SHROOM3: variants seen among roughly 807,000 people sequenced by gnomAD.
The protein encoded by SHROOM3 is shroom family member 3, also known as protein Shroom3.
Under a neutral mutation model 138.6 loss-of-function variants are expected in SHROOM3, and 47 were observed. The ratio of observed to expected loss-of-function variants is 0.34; its 90% CI spans 0.27 to 0.43. The LOEUF (loss-of-function observed/expected upper bound fraction) is 0.43. Ranked by LOEUF, SHROOM3 falls within the 20% of genes least tolerant of loss-of-function variation. The probability of loss-of-function intolerance (pLI) is 1.00; values close to 1 mark genes in which losing one functional copy is unlikely to be tolerated. For synonymous variants in SHROOM3, 1,062 were observed against 1,063.3 expected (o/e 1.00, Z 0.02); for missense variants, 2,491 against 2,596.5 (o/e 0.96, Z 0.88).
chr4:76,736,675 C>T (rs1038013255), intron 4 of SHROOM3, among the ~76,000 whole-genome samples: 2 of 152,210 alleles, frequency 1.3e-5, no homozygotes, highest in African/African-American at 4.8e-5. Flanking sequence ...ATTTACCCTT[C>T]TTTAGAGAAC....
chr4:76,753,974 T>G (rs1721716589), intron 6 of SHROOM3, among the ~76,000 whole-genome samples: 1 of 152,224 alleles, frequency 6.6e-6, no homozygotes, highest in Non-Finnish European at 1.5e-5. Context: ...AGAAATGTAC[T>G]GTTTGTTTTT....
intron 2 of SHROOM3, among the ~76,000 whole-genome samples, chr4:76,661,685 A>C (rs7680223): frequency 0.69 from 104,190 of 152,008 alleles, 37,012 homozygotes; most frequent in East Asian, 0.94. Flanking sequence ...ACAGTATATA[A>C]TCTTTTTTGT....
At chr4:76,542,863 A>G (rs17002074) in intron 1 of SHROOM3, among the ~76,000 whole-genome samples, 17,704 of 152,214 alleles carry the variant, frequency 0.12, 1,155 homozygotes, top group East Asian at 0.16. Flanking sequence ...ACCTTCTGGT[A>G]CAGAGCTGTG....
intron 3 of SHROOM3, among the ~76,000 whole-genome samples, chr4:76,720,704 C>T (rs1254189652): frequency 3.3e-5 from 5 of 151,176 alleles, no homozygotes; most frequent in Admixed American, 1.3e-4. Flanking sequence ...CCTCGCCTCC[C>T]GGAGTCAAGC....
intron 1 of SHROOM3, among the ~76,000 whole-genome samples, chr4:76,497,961 C>G (rs1732004648): frequency 6.6e-6 from 1 of 152,178 alleles, no homozygotes; most frequent in Admixed American, 6.5e-5. Context: ...TATCGAGCCC[C>G]TGGTCAATGT....
chr4:76,647,934 C>CA (rs1735862153), intron 2 of SHROOM3, among the ~76,000 whole-genome samples: 2 of 152,134 alleles, frequency 1.3e-5, no homozygotes, highest in African/African-American at 4.8e-5. Context: ...AACTATGGAC[C>CA]TAGATATTTT....
chr4:76,688,659 C>A (rs761997600), intron 2 of SHROOM3: 5 of 985,286 alleles, frequency 5.1e-6, no homozygotes, highest in African/African-American at 1.7e-5. Context: ...TAAACTAGCA[C>A]CATCCCTTCC....
At chr4:76,668,327 G>T (rs1718775185) in intron 2 of SHROOM3, among the ~76,000 whole-genome samples, 1 of 152,150 alleles carries the variant, frequency 6.6e-6, no homozygotes, top group Admixed American at 6.5e-5. Context: ...TTGGGAGGCT[G>T]AGGCAGGCAG....
chr4:76,456,470 G>T (rs1456742134), intron 1 of SHROOM3, among the ~76,000 whole-genome samples: 1 of 152,138 alleles, frequency 6.6e-6, no homozygotes, highest in African/African-American at 2.4e-5. Context: ...GAATATTTTT[G>T]ATTTGAGGTT....
chr4:76,766,424 C>T (rs1722157598), intron 9 of SHROOM3, among the ~76,000 whole-genome samples: 1 of 152,160 alleles, frequency 6.6e-6, no homozygotes, highest in African/African-American at 2.4e-5. Flanking sequence ...GAGGACATTT[C>T]TGCAGAGGAT....
At chr4:76,597,187 A>G (rs1345819330) in intron 2 of SHROOM3, among the ~76,000 whole-genome samples, 1 of 152,206 alleles carries the variant, frequency 6.6e-6, no homozygotes, top group Non-Finnish European at 1.5e-5. Flanking sequence ...TTTATTTCAG[A>G]TATACAAGTG....
At position 76,754,696 on chromosome 4, in the gene SHROOM3, G is replaced by A. The variant is rs1300735652; in HGVS notation, c.4213G>A (p.Gly1405Ser). ...GCCTCCCGGTCCAAGAGGCTGTGAG[G>A]GCGATGGCCCAGAGCATGGGGTAGA... is the stretch of plus-strand genomic sequence containing the variant. ...TQPPGPRGCE[G>S]DGPEHGVEEG... The change falls in exon 7 of 11, where the codon GGC (glycine) becomes AGC (serine). Residue 1405 changes from glycine (G) to serine (S), a missense_variant. Around this residue, in one of 4 missense-constraint regions of SHROOM3, gnomAD observed 1,733 missense variants for 1,661.6 expected, o/e 1.04. Coordinates refer to ENST00000296043, the MANE Select transcript of SHROOM3 (RefSeq NM_020859.4). The A allele has an allele frequency of 6.2e-7, 1 of 1,614,090 alleles. No individual in the cohort carries two copies. Among genetic ancestry groups the A allele is most frequent in the Non-Finnish European group, 8.5e-7 (1 of 1,180,050 alleles).
intron 2 of SHROOM3, among the ~76,000 whole-genome samples, chr4:76,697,988 T>G (rs1367925584): frequency 6.6e-6 from 1 of 152,178 alleles, no homozygotes; most frequent in African/African-American, 2.4e-5. Context: ...CCCATGGAAC[T>G]ATAGTCACAA....
At position 76,778,919 on chromosome 4, in the gene SHROOM3, T is replaced by C; in HGVS notation, c.5733T>C (p.Asn1911=). 1 of 1,613,700 alleles carries C rather than the reference T, an allele frequency of 6.2e-7. No homozygotes were observed. Among genetic ancestry groups the C allele is most frequent in the Non-Finnish European group, 8.5e-7 (1 of 1,180,008 alleles). Residue 1911 remains asparagine (N), a synonymous_variant, in exon 11 of 11, where the codon AAT becomes AAC. Coordinates refer to ENST00000296043, the MANE Select transcript of SHROOM3 (RefSeq NM_020859.4). The stretch of plus-strand genomic sequence containing the variant: ...GAGTAGTGCTGGGCATCTTGGCCAA[T>C]TACCTTTCAGAGGAGCAGCTCCAGG... ...RERVVLGILA[N]YLSEEQLQDY... is the part of the protein sequence containing the mutation.
At chr4:76,676,261 G>T (rs1413832111) in intron 2 of SHROOM3, among the ~76,000 whole-genome samples, 1 of 152,160 alleles carries the variant, frequency 6.6e-6, no homozygotes, top group Non-Finnish European at 1.5e-5. Context: ...GGGACAAGGA[G>T]GATAGCCTAG....
At chr4:76,778,174 C>G (rs1309808590) in intron 10 of SHROOM3, among the ~76,000 whole-genome samples, 1 of 151,862 alleles carries the variant, frequency 6.6e-6, no homozygotes, top group Non-Finnish European at 1.5e-5. Context: ...CCAGCAACCA[C>G]ACCTTGAGAA....
At position 76,770,739 on chromosome 4, in the gene SHROOM3, G is replaced by A; in HGVS notation, c.5463G>A (p.Leu1821=). The change falls in exon 10 of 11, where the codon CTG becomes CTA. Residue 1821 remains leucine (L), a synonymous_variant. Transcript: ENST00000296043. ...CCCTGGGAGAAGAGGTGGAGGCTCT[G>A]ATCAGCGAGCTCTGCAAGCCCAATG... The part of the protein sequence containing the change: ...NNALGEEVEA[L]ISELCKPNEF... 2 of 1,614,204 alleles carry A rather than the reference G, an allele frequency of 1.2e-6. No individual in the cohort carries two copies. The highest frequency in any genetic ancestry group is 2.2e-5 in the South Asian group (2 of 91,074).
At chr4:76,668,404 TACA>T (rs905172614) in intron 2 of SHROOM3, among the ~76,000 whole-genome samples, 7 of 151,928 alleles carry the variant, frequency 4.6e-5, no homozygotes, top group East Asian at 1.9e-4. Context: ...CTACTAAAAA[TACA>T]ACAACAACAA....
chr4:76,651,401 A>AATATATATATATATATATATATAT (rs33994270), intron 2 of SHROOM3, among the ~76,000 whole-genome samples: 2 of 86,786 alleles, frequency 2.3e-5, no homozygotes, highest in African/African-American at 4.2e-5. Context: ...GTAACCCATA[A>AATATATATATATATATATATATAT]ATATATATAT....
Sources: gnomAD v4.1 joint callset for allele counts (sites outside exome capture counted in the v4.1 genomes callset) on GRCh38, gnomAD v4.1.1 for gene constraint, gnomAD v4.1.1 regional missense constraint, MANE v1.5 for transcripts, NCBI Gene and HGNC (gene_info 2026-07-23, HGNC 2026-07-21) for gene names.